The following EYS variants were observed in gnomAD, a reference collection of about 807,000 sequenced individuals.
The protein encoded by EYS is EGF-like photoreceptor maintenance factor.
A neutral mutation model predicts 282.1 loss-of-function variants in EYS; 250 were observed. The observed-to-expected ratio is 0.89, with a 90% CI of 0.80 to 0.98. The LOEUF is 0.98. EYS is among the 50% of genes least tolerant of loss of function. EYS has a pLI of 0.00. For missense variants in EYS, 4,016 were observed against 3,709.0 expected (o/e 1.08, Z -2.15); for synonymous variants, 1,355 against 1,282.9 (o/e 1.06, Z -1.20).
chr6:63,973,470 T>C (rs979197746), intron 35 of EYS, among the ~76,000 whole-genome samples: 2 of 152,156 alleles, frequency 1.3e-5, no homozygotes, highest in Non-Finnish European at 2.9e-5. Flanking sequence ...AGAGAGAGCA[T>C]TGAATTAAAG....
At chr6:64,412,921 T>G (rs1019473800) in intron 28 of EYS, 4 of 151,894 alleles carry the variant, frequency 2.6e-5, no homozygotes, top group African/African-American at 4.8e-5. Context: ...AGAGACAAAA[T>G]TTTGGATGGA....
chr6:65,251,573 G>A (rs183024703), intron 12 of EYS, among the ~76,000 whole-genome samples: 2 of 152,042 alleles, frequency 1.3e-5, no homozygotes, highest in Admixed American at 1.3e-4. Context: ...ATGGAATAAT[G>A]ACATTCCACT....
At chr6:64,626,399 G>C (rs1767611923) in intron 22 of EYS, among the ~76,000 whole-genome samples, 154 bp from the exon 23 acceptor site, 1 of 152,086 alleles carries the variant, frequency 6.6e-6, no homozygotes, top group African/African-American at 2.4e-5. Context: ...TTGAATTGTG[G>C]CCCCAAAACA....
chr6:63,772,233 T>G (rs1769949034), intron 40 of EYS, among the ~76,000 whole-genome samples: 1 of 152,068 alleles, frequency 6.6e-6, no homozygotes, highest in African/African-American at 2.4e-5. Context: ...CAATCTTGGC[T>G]CACTGCAGCC....
chr6:64,373,772 T>A (rs564143350), intron 29 of EYS, among the ~76,000 whole-genome samples: 5 of 152,070 alleles, frequency 3.3e-5, no homozygotes, highest in Admixed American at 3.3e-4. Context: ...TAAGTTCCCA[T>A]AGAAGCAGGA....
chr6:64,806,521 C>A (rs764796934), intron 22 of EYS, among the ~76,000 whole-genome samples: 9 of 151,886 alleles, frequency 5.9e-5, no homozygotes, highest in Admixed American at 1.3e-4. Flanking sequence ...TTCCTGCAAT[C>A]TTTTTAAAAA....
At chr6:65,508,913 G>A (rs1171586101) in intron 2 of EYS, among the ~76,000 whole-genome samples, 4 of 152,100 alleles carry the variant, frequency 2.6e-5, no homozygotes, top group Non-Finnish European at 4.4e-5. Context: ...GATCTTTACA[G>A]TGAGAACGTG....
chr6:64,142,722 C>A (rs565133361), intron 31 of EYS, among the ~76,000 whole-genome samples: 42 of 152,146 alleles, frequency 2.8e-4, no homozygotes, highest in African/African-American at 9.9e-4. Flanking sequence ...TAGGAAGTGA[C>A]AGAACTGTTA....
intron 37 of EYS, among the ~76,000 whole-genome samples, chr6:63,790,730 G>T (rs1249771935): frequency 2.0e-5 from 3 of 152,208 alleles, no homozygotes; most frequent in Non-Finnish European, 4.4e-5. Flanking sequence ...CAGCTGTTGG[G>T]ATATAGAAGA....
chr6:65,366,392 G>C (rs1764914443), intron 8 of EYS, among the ~76,000 whole-genome samples: 1 of 151,152 alleles, frequency 6.6e-6, no homozygotes, highest in Non-Finnish European at 1.5e-5. Context: ...GGTTTTTCCT[G>C]ATCTACACTC....
intron 19 of EYS, among the ~76,000 whole-genome samples, chr6:64,853,155 CATATT>C (rs1267634952): frequency 1.3e-5 from 2 of 151,986 alleles, no homozygotes; most frequent in Non-Finnish European, 2.9e-5. Flanking sequence ...TAAATAACAA[CATATT>C]ATAAGTTTTA....
At chr6:63,939,504 T>G (rs1765170548) in intron 35 of EYS, among the ~76,000 whole-genome samples, 1 of 152,170 alleles carries the variant, frequency 6.6e-6, no homozygotes, top group African/African-American at 2.4e-5. Context: ...CAAAGTGAAT[T>G]TTAATGAGAA....
chr6:64,370,998 T>A (rs1388123367), intron 29 of EYS, among the ~76,000 whole-genome samples: 3 of 152,104 alleles, frequency 2.0e-5, no homozygotes, highest in Non-Finnish European at 4.4e-5. Context: ...TTATGGTTTT[T>A]TGAATCTTAC....
intron 19 of EYS, among the ~76,000 whole-genome samples, chr6:64,868,129 T>G (rs909111664): frequency 8.6e-5 from 13 of 151,442 alleles, no homozygotes; most frequent in Non-Finnish European, 1.5e-4. Flanking sequence ...TAATCTTATT[T>G]AAATTATATT....
intron 2 of EYS, among the ~76,000 whole-genome samples, chr6:65,529,808 T>C (rs1354818256): frequency 6.6e-6 from 1 of 152,154 alleles, no homozygotes; most frequent in Non-Finnish European, 1.5e-5. Context: ...GCTCCCTTGC[T>C]CTTTCCATCA....
intron 13 of EYS, among the ~76,000 whole-genome samples, chr6:65,010,702 C>T (rs1583394435): frequency 1.3e-5 from 2 of 152,126 alleles, no homozygotes; most frequent in Non-Finnish European, 2.9e-5. Flanking sequence ...AACTAATAGC[C>T]CTCACTCAGG....
chr6:64,341,760 G>C (rs1289147071), intron 29 of EYS, among the ~76,000 whole-genome samples: 1 of 151,600 alleles, frequency 6.6e-6, no homozygotes, highest in Non-Finnish European at 1.5e-5. Flanking sequence ...ATCTTTCATA[G>C]ATGGTGTTTC....
intron 10 of EYS, among the ~76,000 whole-genome samples, chr6:65,335,518 T>G (rs1212967172): frequency 2.6e-5 from 4 of 151,778 alleles, no homozygotes; most frequent in Non-Finnish European, 4.4e-5. Context: ...TCAGCCAGTT[T>G]ATACAGACAG....
At chr6:65,039,719 T>C (rs1772876098) in intron 13 of EYS, among the ~76,000 whole-genome samples, 1 of 151,736 alleles carries the variant, frequency 6.6e-6, no homozygotes, top group Non-Finnish European at 1.5e-5. Flanking sequence ...TAAAAAGATA[T>C]TTTAGAAAGT....
Sources: gnomAD v4.1 joint callset for allele counts (sites outside exome capture counted in the v4.1 genomes callset) on GRCh38, gnomAD v4.1.1 for gene constraint, MANE v1.5 for transcripts, NCBI Gene and HGNC (gene_info 2026-07-23, HGNC 2026-07-21) for gene names.